The following SATB1 variants were observed in gnomAD, a reference collection of about 807,000 sequenced individuals.
SATB1 encodes DNA-binding protein SATB1.
Under a neutral mutation model 86.9 loss-of-function variants are expected in SATB1, and 11 were observed. That is an observed-to-expected ratio of 0.13 (90% CI 0.08 to 0.21). The LOEUF is 0.21. Among genes scored for constraint, SATB1 ranks in the 10% least tolerant of loss-of-function variants. The probability of loss-of-function intolerance (pLI) is 1.00; values close to 1 mark genes in which losing one functional copy is unlikely to be tolerated. For synonymous variants in SATB1, 357 were observed against 357.2 expected (o/e 1.00, Z 0.01); for missense variants, 551 against 937.6 (o/e 0.59, Z 5.39).
At chr3:18,441,301 G>A (rs1023447034), upstream of SATB1, among the ~76,000 whole-genome samples, 9 of 152,104 alleles carry the variant, frequency 5.9e-5, 1 homozygote, top group Non-Finnish European at 7.4e-5. Flanking sequence ...AAAATATTTC[G>A]TGGCAGCATT....
intron 8 of SATB1, among the ~76,000 whole-genome samples, chr3:18,380,448 T>A (rs981900961): frequency 6.6e-6 from 1 of 152,200 alleles, no homozygotes; most frequent in African/African-American, 2.4e-5. Context: ...TTTTTTTTTT[T>A]ATTTTAAAGC....
chr3:18,351,186 G>A, intron 10 of SATB1: 1 of 750,370 alleles, frequency 1.3e-6, no homozygotes. Flanking sequence ...TGCTGGCACA[G>A]TGAGCTCTGC....
At position 18,417,488 on chromosome 3, in the gene SATB1, CT is replaced by C. The variant is rs1698176558; in HGVS notation, c.212-411del. ...ATCTTCAGAAGAACCCACCTTTCTA[CT>C]GCTTACATGATTTTGTTAATAATAA... On this transcript the variant is annotated intron_variant, in intron 2 of 10. Transcript: ENST00000338745. The C allele has an allele frequency of 6.7e-6, 4 of 595,940 alleles. No homozygotes were observed. The Admixed American group carries it at 1.2e-4, about 19-fold the overall frequency. The allele number at this position is 595,940 out of a possible 1,614,324, so 36.9% of individuals were successfully genotyped here.
In SATB1 at chr3:18,443,737, A is replaced by T. The variant is rs1184169545; in HGVS notation, c.-25+1781T>A. 6.6e-6 allele frequency among the ~76,000 whole-genome samples: 1 copy of T among 152,054 alleles called. No individual in the cohort carries two copies. The highest frequency in any genetic ancestry group is 1.5e-5 in the Non-Finnish European group (1 of 67,988). On this transcript the variant is annotated intron_variant, in intron 1 of 3. Transcript: ENST00000415069. The surrounding 1 kb of genome is among the most constrained non-coding windows in gnomAD (Gnocchi z 4.4). ...GCCCGGGAGCCTTAGCACTGGAGCA[A>T]TAGGAAAAGGCCACCGCGCTCGGGT...
chr3:18,436,792 A>G (rs1699081017), exon 2 of SATB1: 2 of 152,218 alleles, frequency 1.3e-5, no homozygotes. Flanking sequence ...TACTTACAGA[A>G]ATATATAGCA....
chr3:18,394,105 G>C lies in SATB1; in HGVS notation c.1206+357C>G, dbSNP rs891301585. Among the ~76,000 whole-genome samples the C allele has an allele frequency of 4.6e-5, 7 of 152,180 alleles. No individual in the cohort carries two copies. Among genetic ancestry groups the C allele is most frequent in the Non-Finnish European group, 7.3e-5 (5 of 68,034 alleles). On this transcript the variant is annotated intron_variant, in intron 7 of 10. Coordinates refer to ENST00000338745, the MANE Select transcript of SATB1 (RefSeq NM_002971.6). The surrounding 1 kb of genome is among the most constrained non-coding windows in gnomAD (Gnocchi z 5.9). ...GAAAAGACAATAGGCTAGAAGCCTG[G>C]AATCCTGCCAATAGCCTTGACTGAG...
In SATB1 at chr3:18,347,036, G is replaced by C. The variant is rs1423149542; in HGVS notation, c.*2134C>G. Reference sequence around the variant, plus strand: ...CAACAAACCAGCTGCCTTCAGAGGAGCTTAGCTGTGCTTCAAAAGTAAATG... The same window carrying C: ...CAACAAACCAGCTGCCTTCAGAGGACCTTAGCTGTGCTTCAAAAGTAAATG... On this transcript the variant is annotated 3_prime_UTR_variant, in exon 11 of 11. Transcript: ENST00000338745. The C allele has an allele frequency of 1.3e-5, 2 of 152,130 alleles. No individual in the cohort carries two copies. Among genetic ancestry groups the C allele is most frequent in the African/African-American group, 4.8e-5 (2 of 41,420 alleles). The allele number at this position is 152,130 out of a possible 1,614,324, so 9.4% of individuals were successfully genotyped here.
intron 5 of SATB1, among the ~76,000 whole-genome samples, chr3:18,412,941 CA>C (rs949434929): frequency 6.6e-6 from 1 of 152,002 alleles, no homozygotes; most frequent in Non-Finnish European, 1.5e-5. Context: ...TACATGTTTT[CA>C]TATTATTAAA....
At chr3:18,388,710 A>G (rs971419730) in intron 7 of SATB1, among the ~76,000 whole-genome samples, 4 of 152,108 alleles carry the variant, frequency 2.6e-5, no homozygotes, top group Admixed American at 6.5e-5. Context: ...CTACAGTGAA[A>G]AGTTCTGTGG....
chr3:18,422,425 T>G (rs13320035), intron 1 of SATB1, among the ~76,000 whole-genome samples: 2,197 of 152,316 alleles, frequency 0.014, 56 homozygotes, highest in African/African-American at 0.05. Context: ...CTATAAAGTT[T>G]GAGAAAAATT....
At chr3:18,395,062 A>T (rs1575136270) in intron 6 of SATB1, 146 bp from the exon 7 acceptor site, 1 of 619,078 alleles carries the variant, frequency 1.6e-6, no homozygotes, top group East Asian at 2.8e-5. Flanking sequence ...GTTGCAACTT[A>T]CCAGGCTGTG....
intron 9 of SATB1, among the ~76,000 whole-genome samples, chr3:18,361,099 T>A (rs3922895): frequency 0.08 from 12,234 of 152,212 alleles, 758 homozygotes; most frequent in African/African-American, 0.17. Flanking sequence ...GACCCTTTTT[T>A]AATAGCTCTT....
Position 18,378,260 on chromosome 3 carries a change from A to T in SATB1, c.1485T>A (p.Asn495Lys), listed in dbSNP as rs2125188400. Residue 495 changes from asparagine (N) to lysine (K), a missense_variant, in exon 9 of 11, where the codon AAT becomes AAA. Coordinates refer to ENST00000338745, the MANE Select transcript of SATB1 (RefSeq NM_002971.6). ...GKPENNTMNI[N>K]ASIYDEIQQE... ...GCTGAATCTCATCATAAATGGAAGC[A>T]TTAATGTTCATGGTATTGTTCTCTG... 4 of 1,611,490 alleles carry T rather than the reference A, an allele frequency of 2.5e-6. No homozygotes were observed. The highest frequency in any genetic ancestry group is 3.4e-6 in the Non-Finnish European group (4 of 1,178,872).
upstream of SATB1, among the ~76,000 whole-genome samples, chr3:18,425,525 C>A (rs1315050838): frequency 3.4e-5 from 5 of 148,790 alleles, no homozygotes; most frequent in Non-Finnish European, 7.5e-5. Flanking sequence ...AGTTAAAAAG[C>A]CGAAAGACAA....
chr3:18,411,871 G>C (rs1315277616), intron 5 of SATB1, among the ~76,000 whole-genome samples: 3 of 152,050 alleles, frequency 2.0e-5, no homozygotes, highest in African/African-American at 7.2e-5. Context: ...CAGAAATAAA[G>C]GTATGAGTTG....
intron 7 of SATB1, among the ~76,000 whole-genome samples, chr3:18,389,753 T>A (rs1383679834): frequency 6.6e-6 from 1 of 152,110 alleles, no homozygotes; most frequent in Non-Finnish European, 1.5e-5. Flanking sequence ...ATTTGTTGAA[T>A]TAAATTAAAC....
chr3:18,396,414 A>G (rs1447278705), intron 6 of SATB1, among the ~76,000 whole-genome samples: 2 of 152,224 alleles, frequency 1.3e-5, no homozygotes, highest in Non-Finnish European at 2.9e-5. Context: ...GAGAACAGTA[A>G]TAAAAATTAA....
chr3:18,368,190 G>C (rs1452571495), intron 9 of SATB1, among the ~76,000 whole-genome samples: 1 of 152,136 alleles, frequency 6.6e-6, no homozygotes. Flanking sequence ...AGGGTTCTGA[G>C]GTGATATCTG....
chr3:18,415,922 T>C (rs1698087282), intron 4 of SATB1, 85 bp downstream of exon 4: 2 of 1,309,330 alleles, frequency 1.5e-6, no homozygotes, highest in South Asian at 1.6e-5. Context: ...TAAAAAAAAA[T>C]TGAAGGTCGA....
Sources: allele counts gnomAD v4.1 joint callset (sites outside exome capture counted in the v4.1 genomes callset), GRCh38; gene constraint gnomAD v4.1.1; non-coding constraint Gnocchi (gnomAD v3.1); transcripts MANE v1.5; gene names NCBI Gene and HGNC (gene_info 2026-07-23, HGNC 2026-07-21).